CCDC154: variants seen among roughly 807,000 people sequenced by gnomAD.
The protein encoded by CCDC154 is coiled-coil domain-containing protein 154.
A neutral mutation model predicts 87.5 loss-of-function variants in CCDC154; 91 were observed. That is an observed-to-expected ratio of 1.04 (90% confidence interval 0.88 to 1.24). The LOEUF is 1.24. Among genes scored for constraint, CCDC154 ranks in the 50% most tolerant of loss-of-function variants. CCDC154 has a pLI of 0.00. For missense variants in CCDC154, 903 were observed against 879.2 expected, an observed-to-expected ratio of 1.03 and a Z score of -0.34; for synonymous variants, 418 against 400.4, an observed-to-expected ratio of 1.04 and a Z score of -0.52.
Position 1,434,794 on chromosome 16 carries a change from C to G in CCDC154, c.1751G>C (p.Gly584Ala). The part of the protein sequence containing the change: ...ESVLRLWSEE[G>A]PRTPLGSWKA... ...CCAGCTGCCCAGCGGCGTCCGCGGG[C>G]CCTCCTCACTCCACAGCCGGAGCAC... The change falls in exon 16 of 17, where the codon GGC becomes GCC. Residue 584 changes from glycine to alanine, a missense_variant. Coordinates refer to ENST00000389176, the MANE Select transcript of CCDC154 (RefSeq NM_001143980.3). 3 of 1,540,104 alleles carry G rather than the reference C, an allele frequency of 1.9e-6. No individual in the cohort carries two copies. The highest frequency in any genetic ancestry group is 2.6e-6 in the Non-Finnish European group (3 of 1,145,946).
At chr16:1,440,740 G>A (rs924281707) in intron 6 of CCDC154, among the ~76,000 whole-genome samples, 1 of 151,996 alleles carries the variant, frequency 6.6e-6, no homozygotes, top group African/African-American at 2.4e-5. Context: ...CACGAGGTCA[G>A]GAGATCGAGA....
chr16:1,435,143 G>T lies in CCDC154; in HGVS notation c.1638C>A (p.Cys546Ter). 1 of 1,550,474 alleles carries T rather than the reference G, an allele frequency of 6.4e-7. No individual in the cohort carries two copies. The highest frequency in any genetic ancestry group is 2.4e-5 in the East Asian group (1 of 40,916). Reference sequence around the variant, plus strand: ...TCTGGATGGTCTTGTTGGCCTGGACGCAGTTTTCCAGCTTCATTATTTGGT... The same window carrying T: ...TCTGGATGGTCTTGTTGGCCTGGACTCAGTTTTCCAGCTTCATTATTTGGT... ...FQNQIMKLENCVQANKTIQNL... is the reference protein window; with the variant it reads ...FQNQIMKLEN The change falls in exon 15 of 17, where the codon TGC (cysteine) becomes TGA (stop). Residue 546 changes from cysteine to a stop codon, truncating the protein, a stop_gained. Transcript: ENST00000389176. LOFTEE classifies it high-confidence loss of function.
chr16:1,442,644 C>A, intron 5 of CCDC154, 115 bp from the exon 6 acceptor site: 1 of 1,259,344 alleles, frequency 7.9e-7, no homozygotes, highest in Non-Finnish European at 1.1e-6. Context: ...CCTGCCCCAC[C>A]AGAAAACAGA....
chr16:1,443,344 G>T (rs1345861039), intron 3 of CCDC154, 43 bp from the exon 4 acceptor site: 1 of 1,532,644 alleles, frequency 6.5e-7, no homozygotes, highest in South Asian at 1.2e-5. Context: ...CCTAGGCCCG[G>T]GTCTGGCACC....
intron 12 of CCDC154, 21 bp from the exon 13 acceptor site, chr16:1,436,542 G>A (rs1026618911): frequency 2.1e-5 from 32 of 1,547,770 alleles, no homozygotes; most frequent in African/African-American, 4.1e-5. Flanking sequence ...AGCCGGGAGC[G>A]GCGGGCAGCC....
intron 6 of CCDC154, chr16:1,439,343 T>C (rs2038531206): frequency 1.7e-6 from 1 of 584,138 alleles, no homozygotes; most frequent in African/African-American, 1.9e-5. Context: ...TTGTGAAGCA[T>C]GAGAAGGCCA....
At position 1,443,496 on chromosome 16, in the gene CCDC154, A is replaced by G. The variant is rs747441304; in HGVS notation, c.414+10T>C. On this transcript the variant is annotated intron_variant, in intron 3 of 16. Coordinates refer to ENST00000389176, the MANE Select transcript of CCDC154 (RefSeq NM_001143980.3). ...GGGCAGCTCGACCTGTGGGTGGGGG[A>G]GCCGCTCACCTCCGGCGCCTCCTTT... 1.7e-5 allele frequency: 24 copies of G among 1,451,418 alleles called. 1 individual carries two copies. In the South Asian group the frequency reaches 2.7e-4, roughly 16 times the overall value. 89.9% of individuals were successfully genotyped at this position (1,451,418 alleles called of 1,614,324 possible). A position where few individuals can be genotyped will look rare whatever the true frequency, so the allele number is the denominator to read the frequency against.
At chr16:1,437,706 G>T in intron 11 of CCDC154, 111 bp downstream of exon 11, 1 of 1,315,448 alleles carries the variant, frequency 7.6e-7, no homozygotes, top group South Asian at 1.6e-5. Context: ...TGGGACGGGA[G>T]GCTTGGGACC....
intron 1 of CCDC154, 40 bp from the exon 2 acceptor site, chr16:1,444,052 G>C: frequency 7.8e-7 from 1 of 1,276,478 alleles, no homozygotes; most frequent in Non-Finnish European, 1.0e-6. Context: ...CTTGGGGCCC[G>C]GCCCCCACTG....
At chr16:1,440,471 G>T (rs541744812) in intron 6 of CCDC154, among the ~76,000 whole-genome samples, 1 of 149,954 alleles carries the variant, frequency 6.7e-6, no homozygotes, top group East Asian at 2.0e-4. Context: ...GAGAAGGGAA[G>T]AGAAGAGAAG....
rs2038488955 is a variant in CCDC154 at position 1,435,086 on chromosome 16, C to T, written c.1692+3G>A. On this transcript the variant is annotated splice_donor_region_variant and intron_variant, in intron 15 of 16. Coordinates refer to ENST00000389176, the MANE Select transcript of CCDC154 (RefSeq NM_001143980.3). ...CGGTGCCGGCCGGGCAAGGCCTCCT[C>T]ACCAGCCGGGCCTCAGTGTTGAACC... 1 of 1,548,834 alleles carries T rather than the reference C, an allele frequency of 6.5e-7. No individual in the cohort carries two copies. The highest frequency in any genetic ancestry group is 8.7e-7 in the Non-Finnish European group (1 of 1,146,574).
At position 1,434,829 on chromosome 16, in the gene CCDC154, C is replaced by G. The variant is rs2038486061; in HGVS notation, c.1716G>C (p.Leu572=). The G allele has an allele frequency of 3.9e-6, 6 of 1,523,584 alleles. No homozygotes were observed. The highest frequency in any genetic ancestry group is 5.3e-6 in the Non-Finnish European group (6 of 1,137,796). The allele number at this position is 1,523,584 out of a possible 1,614,324, so 94.4% of individuals were successfully genotyped here. Residue 572 remains leucine, a synonymous_variant, in exon 16 of 17, where the codon CTG becomes CTC. Coordinates refer to ENST00000389176, the MANE Select transcript of CCDC154 (RefSeq NM_001143980.3). ...ARLRTQEMAT[L]WESVLRLWSE... Reference sequence around the variant, plus strand: ...TCCACAGCCGGAGCACACTCTCCCACAGGGTGGCCATCTCCTGCGTGCGCT... The same window carrying G: ...TCCACAGCCGGAGCACACTCTCCCAGAGGGTGGCCATCTCCTGCGTGCGCT...
At chr16:1,435,414 G>T in intron 14 of CCDC154, 1 of 566,540 alleles carries the variant, frequency 1.8e-6, no homozygotes, top group Non-Finnish European at 3.1e-6. Context: ...CCTCGTGGCT[G>T]CGGACGGCAC....
At position 1,438,733 on chromosome 16, in the gene CCDC154, C is replaced by T. The variant is rs1233066413; in HGVS notation, c.911G>A (p.Ser304Asn). 1 of 1,549,446 alleles carries T rather than the reference C, an allele frequency of 6.5e-7. No homozygotes were observed. Among genetic ancestry groups the T allele is most frequent in the Admixed American group, 2.0e-5 (1 of 50,976 alleles). Residue 304 changes from serine (S) to asparagine (N), a missense_variant, in exon 9 of 17, where the codon AGC becomes AAC. By Grantham distance (46) the Ser-to-Asn change is conservative. Coordinates refer to ENST00000389176, the MANE Select transcript of CCDC154 (RefSeq NM_001143980.3). ...LRALQGQHEE[S>N]HLLEQCQGLD... The stretch of plus-strand genomic sequence containing the variant: ...GCCCTGGCACTGCTCCAGGAGGTGG[C>T]TCTCCTGCCAGGGGGTGGAGGCCGC...
At position 1,436,495 on chromosome 16, in the gene CCDC154, C is replaced by A. The variant is rs1364122204; in HGVS notation, c.1437G>T (p.Leu479=). 1.3e-6 allele frequency: 2 copies of A among 1,549,188 alleles called. No individual in the cohort carries two copies. The highest frequency in any genetic ancestry group is 2.4e-5 in the East Asian group (1 of 40,922). Residue 479 remains leucine (L), a synonymous_variant, in exon 13 of 17, where the codon CTG becomes CTT. Transcript: ENST00000389176. ...QQIESVSDKC[L]LHKSDSDLRI... The stretch of plus-strand genomic sequence containing the variant: ...TGAGGTCTGAGTCGCTCTTATGAAG[C>A]AGGCACTTGTCGGAGACACTCTCTA...
At chr16:1,443,446 C>T in intron 3 of CCDC154, 60 bp downstream of exon 3, 1 of 1,429,978 alleles carries the variant, frequency 7.0e-7, no homozygotes, top group Non-Finnish European at 9.1e-7. Flanking sequence ...GGCCCAGAAG[C>T]AGCTGCCCCC....
At position 1,443,597 on chromosome 16, in the gene CCDC154, C is replaced by T. The variant is rs1305470127; in HGVS notation, c.323G>A (p.Arg108Gln). ...TGAGCCCTGCAGCTGCACGCGGGCC[C>T]GCACCTGGAGCAGCTCCCGCAGCAG... ...RSLLRELLQV[R>Q]ARVQLQGSEL... Residue 108 changes from arginine (R) to glutamine (Q), a missense_variant, in exon 3 of 17, where the codon CGG (arginine) becomes CAG (glutamine). Transcript: ENST00000389176. 6.2e-6 allele frequency: 9 copies of T among 1,448,720 alleles called. No individual in the cohort carries two copies. Among genetic ancestry groups the T allele is most frequent in the African/African-American group, 4.3e-5 (3 of 70,078 alleles). The allele number at this position is 1,448,720 out of a possible 1,614,324, so 89.7% of individuals were successfully genotyped here.
chr16:1,436,231 G>C, intron 13 of CCDC154, 145 bp from the exon 14 acceptor site: 1 of 835,390 alleles, frequency 1.2e-6, no homozygotes, highest in Non-Finnish European at 1.8e-6. Context: ...TGGGGAAGGT[G>C]GGGGTCCCCA....
chr16:1,437,894 C>T lies in CCDC154; in HGVS notation c.1213G>A (p.Glu405Lys), dbSNP rs976591077. 6.5e-7 allele frequency: 1 copy of T among 1,546,412 alleles called. No homozygotes were observed. The highest frequency in any genetic ancestry group is 1.2e-5 in the South Asian group (1 of 84,064). ...SVAQLAGQLK[E>K]LSGHLPALSS... is the part of the protein sequence containing the mutation. ...AGAGCCGGGAGATGGCCACTCAGCT[C>T]CTTTAACTGCCCGGCCAGCTGCGCC... Residue 405 changes from glutamate to lysine, a missense_variant, in exon 11 of 17, where the codon GAG (glutamate) becomes AAG (lysine). Glu to Lys is a moderately conservative substitution (Grantham distance 56, BLOSUM62 1). Coordinates refer to ENST00000389176, the MANE Select transcript of CCDC154 (RefSeq NM_001143980.3).
Sources: allele counts gnomAD v4.1 joint callset (sites outside exome capture counted in the v4.1 genomes callset), GRCh38; gene constraint gnomAD v4.1.1; transcripts MANE v1.5; gene names NCBI Gene and HGNC (gene_info 2026-07-23, HGNC 2026-07-21).